The following CARS2 variants were observed in gnomAD, a reference collection of about 807,000 sequenced individuals.
CARS2 encodes probable cysteine--tRNA ligase, mitochondrial.
CARS2 carries 52 observed loss-of-function variants against 68.8 expected under a neutral mutation model. The observed-to-expected ratio is 0.76, with a 90% CI of 0.61 to 0.95. The LOEUF (loss-of-function observed/expected upper bound fraction) is 0.95, where lower values mean the gene tolerates loss of function less well. Among genes scored for constraint, CARS2 ranks in the 40% least tolerant of loss-of-function variants. The pLI is 0.00. For synonymous variants in CARS2, 314 were observed against 303.6 expected, an observed-to-expected ratio of 1.03 and a Z score of -0.36; for missense variants, 780 against 754.2, an observed-to-expected ratio of 1.03 and a Z score of -0.40.
At chr13:110,642,274 G>C in intron 14 of CARS2, 41 bp downstream of exon 14, 1 of 1,491,156 alleles carries the variant, frequency 6.7e-7, no homozygotes, top group Non-Finnish European at 9.1e-7. Flanking sequence ...TGACCTACCC[G>C]GCTCCTGGGG....
At position 110,705,770 on chromosome 13, in the gene CARS2, C is replaced by A. The variant is rs1454020562; in HGVS notation, c.224+100G>T. The A allele has an allele frequency of 1.3e-6, 2 of 1,531,678 alleles. No homozygotes were observed. The highest frequency in any genetic ancestry group is 2.0e-5 in the Admixed American group (1 of 50,520). The allele number at this position is 1,531,678 out of a possible 1,614,324, so 94.9% of individuals were successfully genotyped here. On this transcript the variant is annotated intron_variant, in intron 1 of 14. Transcript: ENST00000257347. This position sits in a 1 kb window ranked among gnomAD's most constrained non-coding sequence, Gnocchi z 4.0. ...AGCTTCTAGAACGGCGCCCTCCATG[C>A]AGCTTCCTAAACGCCCTCCCCGAGC... is the stretch of plus-strand genomic sequence containing the variant.
At position 110,687,786 on chromosome 13, in the gene CARS2, A is replaced by C; in HGVS notation, c.506T>G (p.Ile169Ser). 1 of 1,613,532 alleles carries C rather than the reference A, an allele frequency of 6.2e-7. No individual in the cohort carries two copies. Among genetic ancestry groups the C allele is most frequent in the Non-Finnish European group, 8.5e-7 (1 of 1,179,622 alleles). Residue 169 changes from isoleucine (I) to serine (S), a missense_variant, in exon 5 of 15, where the codon ATT (isoleucine) becomes AGT (serine). By Grantham distance (142) the Ile-to-Ser change is moderately radical. Transcript: ENST00000257347. ...PTVYLRVTENIPQIISFIEGI... is the reference protein window; with the variant it reads ...PTVYLRVTENSPQIISFIEGI... ...TTCAATGAAAGAAATTATCTGAGGAATATTTTCGGTTACCCTCAGGTACAC... is the reference window on the plus strand; with the variant it reads ...TTCAATGAAAGAAATTATCTGAGGACTATTTTCGGTTACCCTCAGGTACAC...
intron 1 of CARS2, chr13:110,712,724 T>C (rs2064045835): frequency 2.9e-6 from 2 of 694,376 alleles, no homozygotes; most frequent in Non-Finnish European, 5.3e-6. Flanking sequence ...CCTTTCCAAG[T>C]GTGGGGAGCG....
chr13:110,712,979 T>C (rs751736049), intron 1 of CARS2: 24 of 1,556,260 alleles, frequency 1.5e-5, no homozygotes, highest in Non-Finnish European at 2.0e-5. Context: ...GCGGAATGGG[T>C]AGGTCTCCCG....
At chr13:110,692,694 A>T in intron 3 of CARS2, among the ~76,000 whole-genome samples, 1 of 151,902 alleles carries the variant, frequency 6.6e-6, no homozygotes, top group Non-Finnish European at 1.5e-5. Flanking sequence ...ATATACCTGT[A>T]GTCCCAACTA....
At chr13:110,692,019 TATATAC>T (rs1270935389) in intron 3 of CARS2, among the ~76,000 whole-genome samples, 12 of 63,034 alleles carry the variant, frequency 1.9e-4, no homozygotes, top group African/African-American at 5.7e-4. Context: ...TATATATATA[TATATAC>T]ACACACACAC....
At chr13:110,697,568 G>C (rs1225619997) in intron 3 of CARS2, among the ~76,000 whole-genome samples, 1 of 152,178 alleles carries the variant, frequency 6.6e-6, no homozygotes, top group Non-Finnish European at 1.5e-5. Context: ...TCAGCCTCTC[G>C]AGTAGCTGGG....
intron 5 of CARS2, among the ~76,000 whole-genome samples, chr13:110,684,068 T>C (rs1318896365): frequency 2.0e-5 from 3 of 152,156 alleles, no homozygotes; most frequent in Non-Finnish European, 4.4e-5. Context: ...TACCAACCTA[T>C]GCTCCAAGGC....
chr13:110,676,931 G>C lies in CARS2; in HGVS notation c.785+43C>G, dbSNP rs746498740. On this transcript the variant is annotated intron_variant, in intron 7 of 14. Coordinates refer to ENST00000257347, the MANE Select transcript of CARS2 (RefSeq NM_024537.4). The surrounding 1 kb of genome is among the most constrained non-coding windows in gnomAD (Gnocchi z 4.0). Reference sequence around the variant, plus strand: ...CTCTGCTGCCCTGAGCAGGCACCAGGGGAACTTGAGCCCCAACCCCCAGGA... The same window carrying C: ...CTCTGCTGCCCTGAGCAGGCACCAGCGGAACTTGAGCCCCAACCCCCAGGA... The C allele has an allele frequency of 6.7e-7, 1 of 1,492,056 alleles. No individual in the cohort carries two copies. Among genetic ancestry groups the C allele is most frequent in the Non-Finnish European group, 9.0e-7 (1 of 1,115,394 alleles). 92.4% of individuals were successfully genotyped at this position (1,492,056 alleles called of 1,614,324 possible).
intron 13 of CARS2, chr13:110,644,075 A>T (rs1477530759): frequency 7.8e-7 from 1 of 1,285,972 alleles, no homozygotes; most frequent in Non-Finnish European, 1.0e-6. Flanking sequence ...TGTGCCTGTG[A>T]CTTCTGCACA....
At chr13:110,689,525 T>C (rs1484494134) in intron 3 of CARS2, among the ~76,000 whole-genome samples, 1 of 152,260 alleles carries the variant, frequency 6.6e-6, no homozygotes, top group Non-Finnish European at 1.5e-5. Flanking sequence ...TATGCGTTGC[T>C]ACCCAGGTGT....
chr13:110,644,170 G>T, intron 13 of CARS2: 2 of 1,451,000 alleles, frequency 1.4e-6, no homozygotes, highest in East Asian at 3.0e-5. Context: ...TTCTGCGCAC[G>T]AGAGTTTGCC....
At chr13:110,692,153 C>T (rs925937577) in intron 3 of CARS2, among the ~76,000 whole-genome samples, 1 of 148,686 alleles carries the variant, frequency 6.7e-6, no homozygotes, top group Admixed American at 6.7e-5. Context: ...AAAACAAAAA[C>T]CTTCTATAGC....
chr13:110,646,913 C>T lies in CARS2; in HGVS notation c.1193+188G>A, dbSNP rs570532144. 137 of 649,524 alleles carry T rather than the reference C, an allele frequency of 2.1e-4. No individual in the cohort carries two copies. In the African/African-American group the frequency reaches 2.3e-3, roughly 11 times the overall value. 40.2% of individuals were successfully genotyped at this position (649,524 alleles called of 1,614,324 possible). On this transcript the variant is annotated intron_variant, in intron 11 of 14. Transcript: ENST00000257347. The stretch of plus-strand genomic sequence containing the variant: ...GTCCCCTGTGGCCTCTGGGGAGCCC[C>T]TGACCCCACACCTGCACCTCCTGCC...
At chr13:110,689,914 C>A (rs867123804) in intron 3 of CARS2, among the ~76,000 whole-genome samples, 4 of 152,196 alleles carry the variant, frequency 2.6e-5, no homozygotes, top group Non-Finnish European at 5.9e-5. Context: ...GTCTCAAATT[C>A]CATGCAATTT....
At chr13:110,687,907 T>C in intron 4 of CARS2, 40 bp downstream of exon 4, 1 of 1,581,772 alleles carries the variant, frequency 6.3e-7, no homozygotes, top group Non-Finnish European at 8.7e-7. Context: ...TGCTCACGCC[T>C]GTCACCCTCA....
chr13:110,647,345 A>C (rs1167888071), intron 10 of CARS2, 106 bp from the exon 11 acceptor site: 1 of 1,385,174 alleles, frequency 7.2e-7, no homozygotes, highest in African/African-American at 1.4e-5. Context: ...CAGGGACCAC[A>C]CGGAGAGCGG....
intron 7 of CARS2, among the ~76,000 whole-genome samples, chr13:110,673,396 G>A (rs2062856533): frequency 6.6e-6 from 1 of 152,224 alleles, no homozygotes; most frequent in African/African-American, 2.4e-5. Context: ...TGGGATGCAA[G>A]GCTGGTTCAA....
intron 1 of CARS2, among the ~76,000 whole-genome samples, chr13:110,712,044 T>C (rs1227413862): frequency 6.6e-6 from 1 of 152,240 alleles, no homozygotes; most frequent in Non-Finnish European, 1.5e-5. Context: ...GCAATTATTT[T>C]GTGTCTAAAA....
Sources: gnomAD v4.1 joint callset for allele counts (sites outside exome capture counted in the v4.1 genomes callset) on GRCh38, gnomAD v4.1.1 for gene constraint, Gnocchi (gnomAD v3.1) non-coding constraint, MANE v1.5 for transcripts, NCBI Gene and HGNC (gene_info 2026-07-23, HGNC 2026-07-21) for gene names.